INPP4B: variants seen among roughly 807,000 people sequenced by gnomAD.
The protein encoded by INPP4B is inositol polyphosphate-4-phosphatase type II B.
Under a neutral mutation model 122.5 loss-of-function variants are expected in INPP4B, and 55 were observed. The observed-to-expected ratio is 0.45, with a 90% CI of 0.36 to 0.56. INPP4B has a LOEUF of 0.56. Ranked by LOEUF, INPP4B falls within the 20% of genes least tolerant of loss-of-function variation. The pLI, the probability that INPP4B is intolerant of heterozygous loss-of-function variation, is 0.00. For missense variants in INPP4B, 1,000 were observed against 1,097.7 expected, an observed-to-expected ratio of 0.91 and a Z score of 1.26; for synonymous variants, 403 against 388.7, an observed-to-expected ratio of 1.04 and a Z score of -0.43.
intron 2 of INPP4B, among the ~76,000 whole-genome samples, chr4:142,645,563 T>C (rs1193448491): frequency 6.6e-6 from 1 of 152,146 alleles, no homozygotes; most frequent in Non-Finnish European, 1.5e-5. Context: ...CACATCCTCT[T>C]CTCCCCTTCC....
chr4:142,234,214 A>G (rs1165027535), intron 12 of INPP4B, among the ~76,000 whole-genome samples: 4 of 152,182 alleles, frequency 2.6e-5, no homozygotes, highest in Admixed American at 2.6e-4. Flanking sequence ...CACATCTAAC[A>G]TCTTTTCTCT....
intron 2 of INPP4B, among the ~76,000 whole-genome samples, chr4:142,612,858 C>T (rs1234962669): frequency 6.6e-6 from 1 of 152,148 alleles, no homozygotes; most frequent in African/African-American, 2.4e-5. Flanking sequence ...TAGCACTCTT[C>T]TCACTTAGTA....
chr4:142,193,403 A>G (rs2636662), intron 14 of INPP4B, among the ~76,000 whole-genome samples: 133,035 of 151,928 alleles, frequency 0.88, 59,049 homozygotes, highest in East Asian at 0.96. Context: ...ACAAGATATA[A>G]TGTTTTCCTG....
At chr4:142,609,265 G>A (rs1351672305) in intron 2 of INPP4B, among the ~76,000 whole-genome samples, 3 of 151,560 alleles carry the variant, frequency 2.0e-5, no homozygotes, top group African/African-American at 7.3e-5. Flanking sequence ...AAGACCAAAA[G>A]GCTGCATATG....
chr4:142,432,099 C>A (rs1809449719), intron 3 of INPP4B, among the ~76,000 whole-genome samples: 1 of 152,064 alleles, frequency 6.6e-6, no homozygotes, highest in Non-Finnish European at 1.5e-5. Flanking sequence ...CCCTGTCATA[C>A]AGACAGCCTC....
At chr4:142,385,467 C>T (rs1795651617) in intron 7 of INPP4B, among the ~76,000 whole-genome samples, 1 of 151,960 alleles carries the variant, frequency 6.6e-6, no homozygotes, top group African/African-American at 2.4e-5. Context: ...GTAGAGTATG[C>T]TTCTGTACCT....
At chr4:142,191,532 G>T (rs1835829145) in intron 15 of INPP4B, among the ~76,000 whole-genome samples, 1 of 152,152 alleles carries the variant, frequency 6.6e-6, no homozygotes, top group African/African-American at 2.4e-5. Flanking sequence ...CTTCCCCCAT[G>T]GGGCCTATGG....
intron 3 of INPP4B, among the ~76,000 whole-genome samples, chr4:142,434,157 T>G (rs1809925914): frequency 6.6e-6 from 1 of 152,196 alleles, no homozygotes. Context: ...GGAAACAAGA[T>G]GTGCTAAATC....
chr4:142,083,484 G>A (rs995646324), intron 24 of INPP4B, among the ~76,000 whole-genome samples: 4 of 151,998 alleles, frequency 2.6e-5, no homozygotes, highest in East Asian at 3.9e-4. Context: ...AATCAACTTC[G>A]GCATTACAAT....
chr4:142,323,939 T>C lies in INPP4B; in HGVS notation c.373-9177A>G, dbSNP rs1771321957. 2.0e-5 allele frequency among the ~76,000 whole-genome samples: 3 copies of C among 152,146 alleles called. No individual in the cohort carries two copies. In the South Asian group the frequency reaches 6.2e-4, roughly 32 times the overall value. ...GTTGGTACAATTCAGTGTCATTGGC[T>C]GAAATGTGTTTCTCCAATATTCATA... On this transcript the variant is annotated intron_variant, in intron 7 of 25. Coordinates refer to ENST00000262992, the MANE Select transcript of INPP4B (RefSeq NM_001101669.3).
At chr4:142,259,187 C>T (rs1348057487) in intron 11 of INPP4B, among the ~76,000 whole-genome samples, 2 of 121,854 alleles carry the variant, frequency 1.6e-5, no homozygotes, top group Non-Finnish European at 3.2e-5. Context: ...GGGAATATCA[C>T]ACTCTGGGGA....
intron 8 of INPP4B, among the ~76,000 whole-genome samples, chr4:142,307,277 C>T (rs1171084453): frequency 1.3e-5 from 2 of 152,122 alleles, no homozygotes; most frequent in African/African-American, 4.8e-5. Flanking sequence ...CATCCCTATA[C>T]GAAAGCACAC....
chr4:142,114,161 C>T (rs920719612), intron 21 of INPP4B, among the ~76,000 whole-genome samples: 5 of 151,910 alleles, frequency 3.3e-5, no homozygotes, highest in Non-Finnish European at 7.4e-5. Context: ...TTTTAATTAG[C>T]GAATAGAATT....
intron 10 of INPP4B, among the ~76,000 whole-genome samples, chr4:142,268,180 G>T (rs981525192): frequency 1.6e-4 from 24 of 150,898 alleles, no homozygotes; most frequent in African/African-American, 5.8e-4. Context: ...AAAATTAGCC[G>T]GGCATGGTGG....
chr4:142,088,049 A>T (rs1561074077), intron 23 of INPP4B, among the ~76,000 whole-genome samples: 1 of 152,328 alleles, frequency 6.6e-6, no homozygotes, highest in Middle Eastern at 3.4e-3. Context: ...TCTTTACTAT[A>T]TAACTACAGA....
At chr4:142,465,080 A>G (rs1446968785) in intron 2 of INPP4B, among the ~76,000 whole-genome samples, 5 of 152,176 alleles carry the variant, frequency 3.3e-5, no homozygotes, top group African/African-American at 1.2e-4. Flanking sequence ...CCCTTGAATA[A>G]TTTTTTTAAA....
intron 2 of INPP4B, among the ~76,000 whole-genome samples, chr4:142,557,219 A>G (rs2150103601): frequency 6.6e-6 from 1 of 152,284 alleles, no homozygotes; most frequent in East Asian, 1.9e-4. Context: ...TCGGGGAAAC[A>G]GTTGTAGAGA....
chr4:142,317,480 T>A, intron 7 of INPP4B: 1 of 282,984 alleles, frequency 3.5e-6, no homozygotes, highest in South Asian at 4.3e-5. Flanking sequence ...TGAAACTGAG[T>A]ATTCCAACGC....
intron 25 of INPP4B, among the ~76,000 whole-genome samples, chr4:142,048,988 C>T (rs1329825377): frequency 6.6e-6 from 1 of 151,944 alleles, no homozygotes; most frequent in East Asian, 1.9e-4. Flanking sequence ...TTAAGACTTA[C>T]ATCATTGTTT....
Sources: gnomAD v4.1 joint callset for allele counts (sites outside exome capture counted in the v4.1 genomes callset) on GRCh38, gnomAD v4.1.1 for gene constraint, MANE v1.5 for transcripts, NCBI Gene and HGNC (gene_info 2026-07-23, HGNC 2026-07-21) for gene names.